ESR1: variants seen among roughly 807,000 people sequenced by gnomAD.
The protein encoded by ESR1 is estrogen receptor.
In ESR1, 12 loss-of-function variants were observed where a neutral mutation model predicts 52.7. The ratio of observed to expected loss-of-function variants is 0.23; its 90% CI spans 0.15 to 0.37. The LOEUF (loss-of-function observed/expected upper bound fraction) is 0.37, where lower values mean the gene tolerates loss of function less well. Among genes scored for constraint, ESR1 ranks in the 10% least tolerant of loss-of-function variants. The probability of loss-of-function intolerance (pLI) is 1.00; values close to 1 mark genes in which losing one functional copy is unlikely to be tolerated. For synonymous variants in ESR1, 305 were observed against 316.8 expected (o/e 0.96, Z 0.39); for missense variants, 584 against 779.7 (o/e 0.75, Z 2.99).
chr6:151,658,614 A>G lies in ESR1; in HGVS notation n.73+1851A>G, dbSNP rs533766345. 7.2e-5 allele frequency among the ~76,000 whole-genome samples: 11 copies of G among 152,230 alleles called. No individual in the cohort carries two copies. The South Asian group carries it at 2.3e-3, about 32-fold the overall frequency. ...TTATAAATAATATGTGCTTTTATTT[A>G]TTTGTTTATTTTTATTTTACTTTAA... On this transcript the variant is annotated intron_variant and non_coding_transcript_variant, in intron 1 of 2. Transcript: ENST00000473497.
At chr6:151,711,309 C>T (rs1328794883) in intron 2 of ESR1, among the ~76,000 whole-genome samples, 1 of 151,932 alleles carries the variant, frequency 6.6e-6, no homozygotes, top group Non-Finnish European at 1.5e-5. Context: ...GCAAGCTCCA[C>T]CTCCCGGGTT....
intron 4 of ESR1, among the ~76,000 whole-genome samples, chr6:151,960,046 G>A (rs920163779): frequency 1.3e-5 from 2 of 152,140 alleles, no homozygotes; most frequent in African/African-American, 4.8e-5. Flanking sequence ...ACACATACTG[G>A]TGTTAGGGGT....
At chr6:151,945,364 A>C (rs1173256491) in intron 4 of ESR1, among the ~76,000 whole-genome samples, 1 of 152,256 alleles carries the variant, frequency 6.6e-6, no homozygotes, top group Non-Finnish European at 1.5e-5. Flanking sequence ...CAATGGAAAA[A>C]TAAATTAAGG....
At chr6:151,886,703 C>T (rs897351302) in intron 3 of ESR1, among the ~76,000 whole-genome samples, 5 of 152,108 alleles carry the variant, frequency 3.3e-5, no homozygotes. Context: ...CTGGGGACTG[C>T]GATTGGAATC....
At chr6:151,964,307 G>A (rs1279960986) in intron 4 of ESR1, among the ~76,000 whole-genome samples, 1 of 151,910 alleles carries the variant, frequency 6.6e-6, no homozygotes, top group Non-Finnish European at 1.5e-5. Flanking sequence ...TCCATGAAGA[G>A]GTATACTTTT....
At chr6:151,903,014 G>A (rs190152298) in intron 3 of ESR1, among the ~76,000 whole-genome samples, 133 of 152,202 alleles carry the variant, frequency 8.7e-4, no homozygotes, top group South Asian at 5.6e-3. Flanking sequence ...TCCACCTTCC[G>A]AATTACACCT....
chr6:151,959,023 A>G (rs958329009), intron 4 of ESR1, among the ~76,000 whole-genome samples: 1 of 143,010 alleles, frequency 7.0e-6, no homozygotes, highest in African/African-American at 2.8e-5. Context: ...GAGGAGTTCT[A>G]TGCATCTGCA....
rs563024433 is a variant in ESR1, at chr6:152,049,860, G to A, written c.1236-11131G>A. On this transcript the variant is annotated intron_variant, in intron 5 of 7. Transcript: ENST00000206249. Reference sequence around the variant, plus strand: ...CCCCTTCCACCCCATAGTAGTCAGGGATTTAATGCCTCAACAAGGCAGGTC... The same window carrying A: ...CCCCTTCCACCCCATAGTAGTCAGGAATTTAATGCCTCAACAAGGCAGGTC... Among the ~76,000 whole-genome samples, 22 of 152,266 alleles carry A rather than the reference G, an allele frequency of 1.4e-4. No individual in the cohort carries two copies. The South Asian group carries it at 2.9e-3, about 20-fold the overall frequency.
At chr6:152,026,374 T>C (rs1015549923) in intron 5 of ESR1, among the ~76,000 whole-genome samples, 1 of 151,976 alleles carries the variant, frequency 6.6e-6, no homozygotes, top group African/African-American at 2.4e-5. Context: ...TTTTACCCTA[T>C]CTAATATCAA....
chr6:151,862,670 C>T (rs1399237932), intron 2 of ESR1, among the ~76,000 whole-genome samples: 2 of 152,170 alleles, frequency 1.3e-5, no homozygotes, highest in East Asian at 1.9e-4. Context: ...CGGTGTTCAC[C>T]TGCGGTTTGG....
intron 5 of ESR1, among the ~76,000 whole-genome samples, chr6:152,031,891 G>A (rs1382681755): frequency 1.3e-5 from 2 of 152,062 alleles, no homozygotes; most frequent in South Asian, 2.1e-4. Flanking sequence ...AAAATCCTGA[G>A]TAAAATACTG....
intron 1 of ESR1, among the ~76,000 whole-genome samples, chr6:151,821,236 A>G (rs2128190190): frequency 6.6e-6 from 1 of 152,204 alleles, no homozygotes; most frequent in South Asian, 2.1e-4. Context: ...CTACTGTTCC[A>G]GCATTTATAG....
In ESR1 at chr6:151,807,953, T is replaced by C. The variant is rs369520220; in HGVS notation, c.41T>C (p.Leu14Pro). The C allele has an allele frequency of 8.1e-6, 13 of 1,613,786 alleles. No homozygotes were observed. Among genetic ancestry groups the C allele is most frequent in the Non-Finnish European group, 1.1e-5 (13 of 1,179,968 alleles). Residue 14 changes from leucine to proline, a missense_variant, in exon 1 of 8, where the codon CTA becomes CCA. Transcript: ENST00000206249. ...CACACCAAAGCATCTGGGATGGCCC[T>C]ACTGCATCAGATCCAAGGGAACGAG... ...TLHTKASGMA[L>P]LHQIQGNELE...
rs1207837569 is a variant in ESR1, at chr6:152,102,800, T to C, written c.*3834T>C. 4.5e-6 allele frequency: 1 copy of C among 223,870 alleles called. No homozygotes were observed. Among genetic ancestry groups the C allele is most frequent in the Non-Finnish European group, 8.9e-6 (1 of 111,948 alleles). The allele number at this position is 223,870 out of a possible 1,614,324, so 13.9% of individuals were successfully genotyped here. A position where few individuals can be genotyped will look rare whatever the true frequency, so the allele number is the denominator to read the frequency against. On this transcript the variant is annotated 3_prime_UTR_variant, in exon 8 of 8. Transcript: ENST00000206249. Reference sequence around the variant, plus strand: ...TTTGCATCCAATTGTGCCTGAACTTTTAAAATATGTAAATGCTGCCATGTT... The same window carrying C: ...TTTGCATCCAATTGTGCCTGAACTTCTAAAATATGTAAATGCTGCCATGTT...
chr6:151,809,567 T>G (rs1685078079), intron 1 of ESR1, among the ~76,000 whole-genome samples: 1 of 152,172 alleles, frequency 6.6e-6, no homozygotes, highest in Non-Finnish European at 1.5e-5. Context: ...TCTTTCTGCC[T>G]TGTAAGCCGT....
At chr6:151,884,169 C>T (rs955231415) in intron 3 of ESR1, among the ~76,000 whole-genome samples, 1 of 152,080 alleles carries the variant, frequency 6.6e-6, no homozygotes, top group African/African-American at 2.4e-5. Flanking sequence ...AATTATAGCC[C>T]GTGAGAACAT....
At chr6:151,991,247 A>G (rs2040983079) in intron 4 of ESR1, among the ~76,000 whole-genome samples, 1 of 152,196 alleles carries the variant, frequency 6.6e-6, no homozygotes. Context: ...GAGATCTTGA[A>G]TAGCCTCATG....
intron 5 of ESR1, among the ~76,000 whole-genome samples, chr6:152,047,088 G>A (rs2046287347): frequency 6.6e-6 from 1 of 152,068 alleles, no homozygotes; most frequent in South Asian, 2.1e-4. Context: ...TCATTTAAAT[G>A]TCACCCTCTC....
intron 2 of ESR1, among the ~76,000 whole-genome samples, chr6:151,767,687 G>A (rs1583196456): frequency 6.6e-6 from 1 of 152,116 alleles, no homozygotes; most frequent in South Asian, 2.1e-4. Flanking sequence ...ATTCACAAAG[G>A]GAGATGTCAA....
Sources: gnomAD v4.1 joint callset for allele counts (sites outside exome capture counted in the v4.1 genomes callset) on GRCh38, gnomAD v4.1.1 for gene constraint, MANE v1.5 for transcripts, NCBI Gene and HGNC (gene_info 2026-07-23, HGNC 2026-07-21) for gene names.